MCPH1: variants seen among roughly 807,000 people sequenced by gnomAD.
MCPH1 encodes microcephalin 1, also known as microcephalin.
Under a neutral mutation model 84.5 loss-of-function variants are expected in MCPH1, and 104 were observed. That is an observed-to-expected ratio of 1.23 (90% CI 1.05 to 1.45). MCPH1 has a LOEUF of 1.45. Among genes scored for constraint, MCPH1 ranks in the 40% most tolerant of loss-of-function variants. MCPH1 has a pLI of 0.00. For synonymous variants in MCPH1, 514 were observed against 366.8 expected (o/e 1.40, Z -4.58); for missense variants, 1,498 against 1,005.7 (o/e 1.49, Z -6.62).
At chr8:6,622,436 G>A (rs923331332) in intron 13 of MCPH1, among the ~76,000 whole-genome samples, 8 of 152,222 alleles carry the variant, frequency 5.3e-5, no homozygotes, top group Admixed American at 6.5e-5. Flanking sequence ...AGCAGGGGCA[G>A]CGTCTGTGCT....
At chr8:6,600,481 C>T (rs956351958) in intron 12 of MCPH1, among the ~76,000 whole-genome samples, 6 of 152,290 alleles carry the variant, frequency 3.9e-5, no homozygotes, top group African/African-American at 9.6e-5. Context: ...GGGATTGGGG[C>T]GGCACTGGCC....
At chr8:6,415,295 C>T (rs868125962) in intron 3 of MCPH1, among the ~76,000 whole-genome samples, 4 of 145,256 alleles carry the variant, frequency 2.8e-5, no homozygotes, top group South Asian at 2.2e-4. Context: ...TTGGTATCTT[C>T]TTTTTTTTTT....
intron 12 of MCPH1, among the ~76,000 whole-genome samples, chr8:6,535,490 C>T (rs1357456597): frequency 6.6e-6 from 1 of 152,152 alleles, no homozygotes; most frequent in Non-Finnish European, 1.5e-5. Flanking sequence ...TATAGGTTCA[C>T]AGTGGGTGAG....
intron 12 of MCPH1, among the ~76,000 whole-genome samples, chr8:6,516,992 C>T (rs981678332): frequency 1.3e-5 from 2 of 152,128 alleles, no homozygotes; most frequent in Non-Finnish European, 2.9e-5. Context: ...TTTCTTAGTA[C>T]TTCATCCAGG....
intron 12 of MCPH1, among the ~76,000 whole-genome samples, chr8:6,509,535 G>A (rs943312219): frequency 6.6e-6 from 1 of 152,164 alleles, no homozygotes; most frequent in South Asian, 2.1e-4. Flanking sequence ...GAAATCTACA[G>A]AACGGTGCTG....
At chr8:6,488,766 G>A (rs1281130088) in intron 11 of MCPH1, among the ~76,000 whole-genome samples, 2 of 152,104 alleles carry the variant, frequency 1.3e-5, no homozygotes, top group Non-Finnish European at 2.9e-5. Context: ...TTACAGAGTG[G>A]CAGCTTTTGT....
At chr8:6,531,711 C>G (rs1467296947) in intron 12 of MCPH1, among the ~76,000 whole-genome samples, 1 of 152,128 alleles carries the variant, frequency 6.6e-6, no homozygotes, top group African/African-American at 2.4e-5. Flanking sequence ...TATTTGAGGC[C>G]CAGAAAAGGT....
chr8:6,509,055 G>C (rs144041444), intron 12 of MCPH1: 90 of 1,613,752 alleles, frequency 5.6e-5, no homozygotes, highest in Non-Finnish European at 7.1e-5. Context: ...AGTCCTTTAA[G>C]GTGAATCCTG....
At chr8:6,640,059 C>CGTGTGTGTGTGTGT (rs147642349) in intron 13 of MCPH1, among the ~76,000 whole-genome samples, 10 of 134,196 alleles carry the variant, frequency 7.5e-5, no homozygotes, top group East Asian at 4.6e-4. Flanking sequence ...ATTTTAAACT[C>CGTGTGTGTGTGTGT]GTGTGTGTGT....
intron 13 of MCPH1, chr8:6,626,637 TG>T (rs1832107816): frequency 2.0e-6 from 2 of 985,088 alleles, no homozygotes; most frequent in African/African-American, 3.5e-5. Flanking sequence ...CATTTGCTAA[TG>T]GTTGCATTTT....
intron 3 of MCPH1, among the ~76,000 whole-genome samples, chr8:6,424,519 T>G (rs1431420316): frequency 2.0e-5 from 3 of 152,182 alleles, no homozygotes; most frequent in Non-Finnish European, 4.4e-5. Flanking sequence ...ACTTCCCGCC[T>G]CCTCAGCCTT....
intron 12 of MCPH1, among the ~76,000 whole-genome samples, chr8:6,551,325 A>G (rs770641595): frequency 1.2e-4 from 19 of 152,204 alleles, no homozygotes; most frequent in African/African-American, 3.6e-4. Context: ...TGTGCCATCA[A>G]TTAATTCTAT....
chr8:6,560,568 C>CT (rs1006600388), intron 12 of MCPH1, among the ~76,000 whole-genome samples: 1 of 152,136 alleles, frequency 6.6e-6, no homozygotes, highest in African/African-American at 2.4e-5. Flanking sequence ...CTGAGATAGG[C>CT]TGGGAGAACA....
intron 9 of MCPH1, among the ~76,000 whole-genome samples, chr8:6,465,121 C>A (rs1281452501): frequency 1.3e-5 from 2 of 152,208 alleles, no homozygotes; most frequent in African/African-American, 2.4e-5. Flanking sequence ...ACTATCTGCA[C>A]CGTTTGCGGG....
At chr8:6,443,326 T>A (rs892563586) in intron 7 of MCPH1, among the ~76,000 whole-genome samples, 2 of 152,370 alleles carry the variant, frequency 1.3e-5, no homozygotes, top group Non-Finnish European at 2.9e-5. Flanking sequence ...CAATTTTAGG[T>A]GCTGAATAAG....
chr8:6,510,950 T>C (rs768689178), intron 12 of MCPH1, among the ~76,000 whole-genome samples: 1 of 152,230 alleles, frequency 6.6e-6, no homozygotes, highest in Non-Finnish European at 1.5e-5. Context: ...AAAATGCTAA[T>C]GTCATAAATA....
intron 12 of MCPH1, among the ~76,000 whole-genome samples, chr8:6,538,267 C>A (rs1159612963): frequency 2.0e-5 from 3 of 152,166 alleles, no homozygotes; most frequent in Non-Finnish European, 1.5e-5. Context: ...TTGCAACCAT[C>A]TGTCTTACAC....
chr8:6,608,724 A>G (rs566292534), intron 12 of MCPH1, among the ~76,000 whole-genome samples: 1 of 152,322 alleles, frequency 6.6e-6, no homozygotes, highest in African/African-American at 2.4e-5. Context: ...GGCTGCAGCA[A>G]CTGGAATTGT....
chr8:6,452,382 C>T (rs532379511), intron 8 of MCPH1, among the ~76,000 whole-genome samples: 2 of 152,254 alleles, frequency 1.3e-5, no homozygotes, highest in South Asian at 4.1e-4. Context: ...TTTCAGATAA[C>T]TGAAAGATAA....
Sources: gnomAD v4.1 joint callset for allele counts (sites outside exome capture counted in the v4.1 genomes callset) on GRCh38, gnomAD v4.1.1 for gene constraint, MANE v1.5 for transcripts, NCBI Gene and HGNC (gene_info 2026-07-23, HGNC 2026-07-21) for gene names.